Variants in SSH2 observed in about 807,000 individuals in gnomAD.
The protein encoded by SSH2 is protein phosphatase Slingshot homolog 2.
Under a neutral mutation model 135.2 loss-of-function variants are expected in SSH2, and 37 were observed. The ratio of observed to expected loss-of-function variants is 0.27; its 90% CI spans 0.21 to 0.36. SSH2 has a LOEUF of 0.36. SSH2 is among the 10% of genes least tolerant of loss of function. The pLI is 1.00. For missense variants in SSH2, 1,408 were observed against 1,765.3 expected, an observed-to-expected ratio of 0.80 and a Z score of 3.63; for synonymous variants, 628 against 646.2, an observed-to-expected ratio of 0.97 and a Z score of 0.43.
chr17:29,642,937 A>G (rs1027460755), intron 14 of SSH2, among the ~76,000 whole-genome samples: 9 of 152,198 alleles, frequency 5.9e-5, no homozygotes, highest in Non-Finnish European at 1.2e-4. Flanking sequence ...CTGGATAACC[A>G]TGGAGCTACC....
chr17:29,839,569 A>T (rs544964055), intron 2 of SSH2, among the ~76,000 whole-genome samples: 2 of 152,252 alleles, frequency 1.3e-5, no homozygotes, highest in East Asian at 3.9e-4. Flanking sequence ...CCACTAGTGA[A>T]TTTCTGAGAA....
At chr17:29,860,049 T>C (rs1183497800) in intron 1 of SSH2, among the ~76,000 whole-genome samples, 1 of 152,154 alleles carries the variant, frequency 6.6e-6, no homozygotes, top group Non-Finnish European at 1.5e-5. Flanking sequence ...GGTTTCACCA[T>C]GTTGACCAGG....
chr17:29,818,138 T>C (rs1407735279), intron 2 of SSH2, among the ~76,000 whole-genome samples: 6 of 152,060 alleles, frequency 3.9e-5, no homozygotes, highest in Admixed American at 3.9e-4. Flanking sequence ...ATATAAATAG[T>C]TGTTATGCAG....
chr17:29,751,109 T>G (rs2040925563), intron 3 of SSH2, among the ~76,000 whole-genome samples: 1 of 152,098 alleles, frequency 6.6e-6, no homozygotes, highest in Non-Finnish European at 1.5e-5. Flanking sequence ...GTTAATATTT[T>G]CTTCAAAGTA....
intron 3 of SSH2, chr17:29,761,313 C>T: frequency 1.6e-6 from 2 of 1,239,982 alleles, no homozygotes; most frequent in Non-Finnish European, 2.1e-6. Context: ...CGCATCCTGG[C>T]CTCTGCTCTG....
At chr17:29,747,625 C>A (rs1214311778) in intron 3 of SSH2, among the ~76,000 whole-genome samples, 4 of 152,178 alleles carry the variant, frequency 2.6e-5, no homozygotes, top group Non-Finnish European at 4.4e-5. Flanking sequence ...ATACAGCAAC[C>A]ATCCTGTATC....
At chr17:29,919,762 T>TC (rs2066942216) in intron 1 of SSH2, among the ~76,000 whole-genome samples, 2 of 100,860 alleles carry the variant, frequency 2.0e-5, no homozygotes, top group Non-Finnish European at 4.1e-5. Context: ...AGCTAGGTGT[T>TC]TTTTTTTTTT....
chr17:29,723,513 T>A (rs1003636547), intron 3 of SSH2, among the ~76,000 whole-genome samples: 1 of 152,130 alleles, frequency 6.6e-6, no homozygotes, highest in East Asian at 1.9e-4. Flanking sequence ...CAAGAACACT[T>A]TGGAAGATAA....
chr17:29,816,435 GA>G (rs1436390021), intron 2 of SSH2, among the ~76,000 whole-genome samples: 2 of 152,150 alleles, frequency 1.3e-5, no homozygotes, highest in African/African-American at 2.4e-5. Flanking sequence ...TACTGTTATA[GA>G]AATTTCTTGT....
At chr17:29,794,594 CCAAA>C (rs2042125910) in intron 2 of SSH2, among the ~76,000 whole-genome samples, 1 of 152,074 alleles carries the variant, frequency 6.6e-6, no homozygotes, top group African/African-American at 2.4e-5. Context: ...CCCAGGGATG[CCAAA>C]CAATGATGAC....
chr17:29,856,702 C>T (rs932730337), intron 1 of SSH2, among the ~76,000 whole-genome samples: 1 of 152,206 alleles, frequency 6.6e-6, no homozygotes, highest in Admixed American at 6.5e-5. Context: ...CGTCCTCCCA[C>T]CTACCACAAC....
intron 3 of SSH2, among the ~76,000 whole-genome samples, chr17:29,789,467 A>G (rs1456515740): frequency 6.6e-6 from 1 of 152,202 alleles, no homozygotes; most frequent in Non-Finnish European, 1.5e-5. Flanking sequence ...ATGAAATGGA[A>G]TAAAGGAAGA....
intron 2 of SSH2, among the ~76,000 whole-genome samples, chr17:29,820,947 AACTCC>A (rs1402417671): frequency 1.3e-5 from 2 of 152,110 alleles, no homozygotes; most frequent in Non-Finnish European, 2.9e-5. Context: ...CAACCGTAAG[AACTCC>A]AGACACTTTC....
intron 1 of SSH2, among the ~76,000 whole-genome samples, chr17:29,913,353 TATA>T (rs1567650054): frequency 1.7e-4 from 5 of 28,592 alleles, no homozygotes; most frequent in Non-Finnish European, 2.9e-4. Flanking sequence ...AAAAAATATA[TATA>T]TATATATATA....
chr17:29,665,753 C>T (rs1203510338), intron 11 of SSH2, among the ~76,000 whole-genome samples: 1 of 152,214 alleles, frequency 6.6e-6, no homozygotes, highest in East Asian at 1.9e-4. Context: ...AAAACTCTAA[C>T]ACTTGAGAGA....
chr17:29,723,733 C>T (rs904058967), intron 3 of SSH2, among the ~76,000 whole-genome samples: 1 of 152,104 alleles, frequency 6.6e-6, no homozygotes, highest in Admixed American at 6.5e-5. Context: ...TAGGGCAGCT[C>T]TTCTGGCAGG....
intron 6 of SSH2, among the ~76,000 whole-genome samples, chr17:29,679,070 G>C (rs2037853691): frequency 6.6e-6 from 1 of 152,138 alleles, no homozygotes; most frequent in African/African-American, 2.4e-5. Context: ...GTTAATGGAA[G>C]AGGTTCGTAC....
chr17:29,756,263 C>CAAA (rs1375228462), intron 3 of SSH2, among the ~76,000 whole-genome samples: 1 of 82,700 alleles, frequency 1.2e-5, no homozygotes, highest in Non-Finnish European at 2.5e-5. Context: ...GACTCTGTCT[C>CAAA]AAAAAAAAAA....
chr17:29,835,958 C>CAA (rs34869280), intron 2 of SSH2, among the ~76,000 whole-genome samples: 18 of 77,544 alleles, frequency 2.3e-4, no homozygotes, highest in African/African-American at 3.6e-4. Flanking sequence ...GACTTCGTCT[C>CAA]AAAAAAAAAA....
Sources: allele counts gnomAD v4.1 joint callset (sites outside exome capture counted in the v4.1 genomes callset), GRCh38; gene constraint gnomAD v4.1.1; transcripts MANE v1.5; gene names NCBI Gene and HGNC (gene_info 2026-07-23, HGNC 2026-07-21).